ARHGAP10: variants seen among roughly 807,000 people sequenced by gnomAD.
ARHGAP10 encodes Rho GTPase activating protein 10.
Under a neutral mutation model 108.6 loss-of-function variants are expected in ARHGAP10, and 87 were observed. That is an observed-to-expected ratio of 0.80 (90% CI 0.67 to 0.96). The LOEUF (loss-of-function observed/expected upper bound fraction) is 0.96. Ranked by LOEUF, ARHGAP10 falls within the 40% of genes least tolerant of loss-of-function variation. The pLI, the probability that ARHGAP10 is intolerant of heterozygous loss-of-function variation, is 0.00. For missense variants in ARHGAP10, 939 were observed against 954.5 expected, an observed-to-expected ratio of 0.98 and a Z score of 0.21; for synonymous variants, 347 against 341.1, an observed-to-expected ratio of 1.02 and a Z score of -0.19.
intron 13 of ARHGAP10, among the ~76,000 whole-genome samples, chr4:147,937,788 T>C (rs919963272): frequency 2.6e-4 from 39 of 152,216 alleles, no homozygotes; most frequent in African/African-American, 9.4e-4. Flanking sequence ...AAGATGAGCC[T>C]GACCAACATG....
chr4:147,960,386 G>T (rs1224686375), intron 16 of ARHGAP10, among the ~76,000 whole-genome samples: 1 of 152,074 alleles, frequency 6.6e-6, no homozygotes, highest in Non-Finnish European at 1.5e-5. Flanking sequence ...ATTATTAGGG[G>T]TGTAAACTGG....
In ARHGAP10 at chr4:147,958,280, C is replaced by T. The variant is rs144499573; in HGVS notation, c.1450+2906C>T. Among the ~76,000 whole-genome samples the T allele has an allele frequency of 3.6e-3, 542 of 152,194 alleles. 2 individuals carry two copies. Among genetic ancestry groups the T allele is most frequent in the African/African-American group, 0.012 (516 of 41,524 alleles). ...AGGGTTGGAGTCATGGTGCTTAGTA[C>T]GAGAATGACAACTAAAGGCTGAATG... is the stretch of plus-strand genomic sequence containing the variant. On this transcript the variant is annotated intron_variant, in intron 16 of 22. Coordinates refer to ENST00000336498, the MANE Select transcript of ARHGAP10 (RefSeq NM_024605.4).
At position 147,939,858 on chromosome 4, in the gene ARHGAP10, G is replaced by C; in HGVS notation, c.1262G>C (p.Gly421Ala). 1.2e-6 allele frequency: 2 copies of C among 1,614,032 alleles called. No individual in the cohort carries two copies. The highest frequency in any genetic ancestry group is 1.1e-5 in the South Asian group (1 of 91,064). The change falls in exon 14 of 23, where the codon GGG (glycine) becomes GCG (alanine). Residue 421 changes from glycine to alanine, a missense_variant. By Grantham distance (60) the Gly-to-Ala change is moderately conservative. Coordinates refer to ENST00000336498, the MANE Select transcript of ARHGAP10 (RefSeq NM_024605.4). ...GACCAAGGATTGTACAGAGTTGTGG[G>C]GGTGAGTTCAAAGGTCCAGAGACTT... ...INDQGLYRVV[G>A]VSSKVQRLLS...
At chr4:147,865,026 G>GA in intron 6 of ARHGAP10, 70 bp downstream of exon 6, 3 of 1,361,672 alleles carry the variant, frequency 2.2e-6, no homozygotes, top group Non-Finnish European at 3.1e-6. Context: ...TCCTAGATCT[G>GA]ATTTATGGTT....
In ARHGAP10 at chr4:147,802,475, GCTCAGA is replaced by G. The variant is rs1444958412; in HGVS notation, c.155-20247_155-20242del. Among the ~76,000 whole-genome samples, 8 of 152,374 alleles carry G rather than the reference GCTCAGA, an allele frequency of 5.3e-5. No homozygotes were observed. The East Asian group carries it at 1.5e-3, about 29-fold the overall frequency. On this transcript the variant is annotated intron_variant, in intron 1 of 22. Transcript: ENST00000336498. Reference sequence around the variant, plus strand: ...CCAGCAATGTACTGACTGTTTACTGGCTCAGACTCAAAGACTGTTAGCATTGGGCAG... The same window carrying G: ...CCAGCAATGTACTGACTGTTTACTGGCTCAAAGACTGTTAGCATTGGGCAG...
chr4:147,820,266 T>C (rs1732430095), intron 1 of ARHGAP10, among the ~76,000 whole-genome samples: 1 of 152,288 alleles, frequency 6.6e-6, no homozygotes, highest in South Asian at 2.1e-4. Flanking sequence ...CTGGTTTACA[T>C]TAGGAACTAA....
intron 20 of ARHGAP10, among the ~76,000 whole-genome samples, chr4:148,047,397 A>C (rs1728937915): frequency 6.6e-6 from 1 of 152,232 alleles, no homozygotes; most frequent in South Asian, 2.1e-4. Context: ...ATGCATGCTG[A>C]TGGACAGACT....
intron 18 of ARHGAP10, among the ~76,000 whole-genome samples, chr4:148,004,759 G>C (rs1740875926): frequency 6.6e-6 from 1 of 152,198 alleles, no homozygotes; most frequent in Non-Finnish European, 1.5e-5. Flanking sequence ...CCAGAATACA[G>C]CTTGGCTGAC....
chr4:147,789,292 T>C (rs1014897845), intron 1 of ARHGAP10, among the ~76,000 whole-genome samples: 16 of 152,204 alleles, frequency 1.1e-4, no homozygotes, highest in African/African-American at 3.6e-4. Context: ...GTTTTCCACA[T>C]ATTTTATTTA....
chr4:147,777,722 G>A (rs895830989), intron 1 of ARHGAP10, among the ~76,000 whole-genome samples: 38 of 152,272 alleles, frequency 2.5e-4, no homozygotes, highest in Middle Eastern at 3.4e-3. Flanking sequence ...ACCTCTGGAG[G>A]GATAGTTTCC....
intron 18 of ARHGAP10, among the ~76,000 whole-genome samples, chr4:147,969,368 C>T (rs1314041457): frequency 2.2e-5 from 3 of 133,394 alleles, no homozygotes; most frequent in African/African-American, 5.9e-5. Context: ...GAATTTATGC[C>T]TCCTTTTATG....
chr4:147,860,623 T>G (rs1734276198), intron 5 of ARHGAP10, among the ~76,000 whole-genome samples: 1 of 152,214 alleles, frequency 6.6e-6, no homozygotes, highest in South Asian at 2.1e-4. Flanking sequence ...TAACAAGTAT[T>G]GGATATTTGA....
At chr4:147,886,286 G>A (rs1165088144) in intron 10 of ARHGAP10, among the ~76,000 whole-genome samples, 1 of 152,154 alleles carries the variant, frequency 6.6e-6, no homozygotes. Flanking sequence ...GGCTTCAGAT[G>A]ATGCTTTCAG....
intron 18 of ARHGAP10, among the ~76,000 whole-genome samples, chr4:147,992,899 T>TA (rs1312011631): frequency 6.6e-6 from 1 of 152,188 alleles, no homozygotes; most frequent in Admixed American, 6.5e-5. Flanking sequence ...GATGCTCTGG[T>TA]ATTCAGCCTT....
At chr4:147,769,864 A>G (rs1246456256) in intron 1 of ARHGAP10, among the ~76,000 whole-genome samples, 1 of 152,178 alleles carries the variant, frequency 6.6e-6, no homozygotes, top group African/African-American at 2.4e-5. Context: ...GGAAAAGGGA[A>G]AAGAGAGGAG....
chr4:147,947,943 GTTT>G (rs35309386), intron 15 of ARHGAP10, among the ~76,000 whole-genome samples: 7 of 118,004 alleles, frequency 5.9e-5, no homozygotes, highest in Non-Finnish European at 9.8e-5. Flanking sequence ...ACCTGCCACT[GTTT>G]TTTTTTTTTT....
chr4:147,925,666 T>C (rs1475245409), intron 13 of ARHGAP10, among the ~76,000 whole-genome samples: 1 of 152,224 alleles, frequency 6.6e-6, no homozygotes, highest in Non-Finnish European at 1.5e-5. Context: ...AGCTTCAATC[T>C]AAATTCAAGA....
intron 1 of ARHGAP10, among the ~76,000 whole-genome samples, chr4:147,787,812 A>G (rs2126741909): frequency 6.6e-6 from 1 of 152,184 alleles, no homozygotes; most frequent in South Asian, 2.1e-4. Context: ...CATCTTTGGA[A>G]GTCATGATGC....
chr4:148,050,526 A>G (rs1159313356), intron 20 of ARHGAP10, among the ~76,000 whole-genome samples: 1 of 151,150 alleles, frequency 6.6e-6, no homozygotes, highest in Non-Finnish European at 1.5e-5. Context: ...GGCGCCCACC[A>G]CCACGCCTGG....
Sources: allele counts gnomAD v4.1 joint callset (sites outside exome capture counted in the v4.1 genomes callset), GRCh38; gene constraint gnomAD v4.1.1; transcripts MANE v1.5; gene names NCBI Gene and HGNC (gene_info 2026-07-23, HGNC 2026-07-21).